The following PFAS variants were observed in gnomAD, a reference collection of about 807,000 sequenced individuals.
The protein encoded by PFAS is phosphoribosylformylglycinamidine synthase.
Under a neutral mutation model 140.6 loss-of-function variants are expected in PFAS, and 97 were observed. The observed-to-expected ratio is 0.69, with a 90% CI of 0.59 to 0.82. PFAS has a LOEUF of 0.82. Among genes scored for constraint, PFAS ranks in the 40% least tolerant of loss-of-function variants. PFAS has a pLI of 0.00. For synonymous variants in PFAS, 679 were observed against 718.8 expected, an observed-to-expected ratio of 0.94 and a Z score of 0.88; for missense variants, 1,656 against 1,780.2, an observed-to-expected ratio of 0.93 and a Z score of 1.26.
Position 8,268,539 on chromosome 17 carries a change from C to T in PFAS, c.3389C>T (p.Ala1130Val). 6.2e-7 allele frequency: 1 copy of T among 1,611,012 alleles called. No individual in the cohort carries two copies. Among genetic ancestry groups the T allele is most frequent in the East Asian group, 2.2e-5 (1 of 44,816 alleles). The part of the protein sequence containing the change: ...ADVLGSAKGW[A>V]AAVTFHPRAG... ...CTTCCCTATTCCCTGCTAGGGTGGGCAGCTGCTGTGACCTTTCATCCCAGG... is the reference window on the plus strand; with the variant it reads ...CTTCCCTATTCCCTGCTAGGGTGGGTAGCTGCTGTGACCTTTCATCCCAGG... The change falls in exon 27 of 28, where the codon GCA (alanine) becomes GTA (valine). Residue 1130 changes from alanine (A) to valine (V), a missense_variant. By Grantham distance (64) the Ala-to-Val change is moderately conservative. Around this residue, in one of 2 missense-constraint regions of PFAS, gnomAD observed 883 missense variants for 1,023.0 expected, o/e 0.86. Transcript: ENST00000314666.
Position 8,267,906 on chromosome 17 carries a change from A to G in PFAS, c.3382+241A>G, listed in dbSNP as rs1005957965. Among the ~76,000 whole-genome samples, 146 of 105,798 alleles carry G rather than the reference A, an allele frequency of 1.4e-3. 1 individual carries two copies. Among genetic ancestry groups the G allele is most frequent in the African/African-American group, 3.8e-3 (138 of 36,444 alleles). The allele number at this position is 105,798 out of a possible 152,430, so 69.4% of individuals were successfully genotyped here. On this transcript the variant is annotated intron_variant, in intron 26 of 27. Transcript: ENST00000314666. This position sits in a 1 kb window ranked among gnomAD's most constrained non-coding sequence, Gnocchi z 4.9. ...ATATATTATTAAATATATATTATTT[A>G]TATATATTATTTATATATTATTAAA...
chr17:8,264,637 T>C (rs761347568), intron 17 of PFAS, 36 bp downstream of exon 17: 2 of 1,565,134 alleles, frequency 1.3e-6, no homozygotes, highest in Non-Finnish European at 1.7e-6. Context: ...CCCTGCCTCC[T>C]TCCTCCGCTC....
At position 8,267,095 on chromosome 17, in the gene PFAS, A is replaced by G; in HGVS notation, c.3035A>G (p.Glu1012Gly). 1 of 1,613,866 alleles carries G rather than the reference A, an allele frequency of 6.2e-7. No individual in the cohort carries two copies. Among genetic ancestry groups the G allele is most frequent in the Non-Finnish European group, 8.5e-7 (1 of 1,179,964 alleles). Residue 1012 changes from glutamate to glycine, a missense_variant, in exon 24 of 28, where the codon GAG (glutamate) becomes GGG (glycine). Physicochemically the swap from Glu to Gly is moderately conservative, Grantham distance 98 (BLOSUM62 -2). Around this residue, in one of 2 missense-constraint regions of PFAS, gnomAD observed 883 missense variants for 1,023.0 expected, o/e 0.86. Coordinates refer to ENST00000314666, the MANE Select transcript of PFAS (RefSeq NM_012393.3). This position sits in a 1 kb window ranked among gnomAD's most constrained non-coding sequence, Gnocchi z 4.9. ...EPVGELRALW[E>G]ETSFQLDRLQ... The stretch of plus-strand genomic sequence containing the variant: ...GTTGGGGAGCTGCGAGCCCTCTGGG[A>G]GGAGACGAGTTTCCAGCTGGACCGG...
At position 8,267,517 on chromosome 17, in the gene PFAS, C is replaced by T. The variant is rs755583518; in HGVS notation, c.3268-34C>T. The stretch of plus-strand genomic sequence containing the variant: ...GATTGTCCAGCCTCAGCTGCGTGTC[C>T]TCCCACCCACACTCCCCCTCCCCAC... On this transcript the variant is annotated intron_variant, in intron 25 of 27. Transcript: ENST00000314666. This position sits in a 1 kb window ranked among gnomAD's most constrained non-coding sequence, Gnocchi z 4.9. 1.9e-6 allele frequency: 3 copies of T among 1,587,636 alleles called. No individual in the cohort carries two copies. Among genetic ancestry groups the T allele is most frequent in the Admixed American group, 1.7e-5 (1 of 59,962 alleles).
chr17:8,267,312 T>A lies in PFAS; in HGVS notation c.3176-60T>A. On this transcript the variant is annotated intron_variant, in intron 24 of 27. Transcript: ENST00000314666. This position sits in a 1 kb window ranked among gnomAD's most constrained non-coding sequence, Gnocchi z 4.9. ...GCCTGGGCCTGCCCTCAGAAAGGTG[T>A]CTGGGGAGTTGGGGTGGGGAAGTGA... 2 of 1,592,504 alleles carry A rather than the reference T, an allele frequency of 1.3e-6. No homozygotes were observed. Among genetic ancestry groups the A allele is most frequent in the Non-Finnish European group, 1.7e-6 (2 of 1,161,380 alleles).
At chr17:8,255,388 C>T (rs1048404319) in intron 4 of PFAS, 114 bp from the exon 5 acceptor site, 8 of 801,108 alleles carry the variant, frequency 1.0e-5, no homozygotes, top group African/African-American at 3.5e-5. Flanking sequence ...AGAAAAAGTG[C>T]CATATGGTGT....
intron 1 of PFAS, among the ~76,000 whole-genome samples, chr17:8,250,904 G>A (rs1167483544): frequency 1.3e-5 from 2 of 152,008 alleles, no homozygotes; most frequent in Non-Finnish European, 2.9e-5. Flanking sequence ...GCAGGGTGAG[G>A]TCATGAAACA....
intron 1 of PFAS, among the ~76,000 whole-genome samples, chr17:8,251,641 T>C (rs1275302481): frequency 6.7e-6 from 1 of 149,036 alleles, no homozygotes; most frequent in Non-Finnish European, 1.5e-5. Flanking sequence ...GCTGTTCTGC[T>C]GGAATTCAGG....
At chr17:8,264,136 G>T (rs1022162301) in intron 15 of PFAS, 76 bp from the exon 16 acceptor site, 1 of 1,585,274 alleles carries the variant, frequency 6.3e-7, no homozygotes, top group South Asian at 1.1e-5. Flanking sequence ...GCACATTTGT[G>T]CCCTGATTTC....
chr17:8,258,143 G>T lies in PFAS; in HGVS notation c.1280G>T (p.Ser427Ile), dbSNP rs1989449472. Reference protein sequence around the residue: ...RREWIKPIMFSGGIGSMEADH... With the variant: ...RREWIKPIMFIGGIGSMEADH... ...GAGTGGATCAAGCCCATCATGTTTA[G>T]TGGGGGCATTGGGTCCATGGAAGCT... The change falls in exon 11 of 28, where the codon AGT becomes ATT. Residue 427 changes from serine to isoleucine, a missense_variant. By Grantham distance (142) the Ser-to-Ile change is moderately radical. Coordinates refer to ENST00000314666, the MANE Select transcript of PFAS (RefSeq NM_012393.3). The T allele has an allele frequency of 6.2e-7, 1 of 1,614,150 alleles. No individual in the cohort carries two copies. Among genetic ancestry groups the T allele is most frequent in the Non-Finnish European group, 8.5e-7 (1 of 1,180,022 alleles).
chr17:8,267,001 C>G lies in PFAS; in HGVS notation c.2968-27C>G. The G allele has an allele frequency of 6.2e-7, 1 of 1,612,148 alleles. No homozygotes were observed. The highest frequency in any genetic ancestry group is 2.2e-5 in the East Asian group (1 of 44,864). On this transcript the variant is annotated intron_variant, in intron 23 of 27. Transcript: ENST00000314666. The surrounding 1 kb of genome is among the most constrained non-coding windows in gnomAD (Gnocchi z 4.9). ...GGAGGGGGCCATCCTTTCTCCTAGC[C>G]CGTGGGAGATTTGTTCCTCTTCCTA... is the stretch of plus-strand genomic sequence containing the variant.
Position 8,266,339 on chromosome 17 carries a change from TC to T in PFAS, c.2811del (p.Arg938GlyfsTer28), listed in dbSNP as rs766831796. 3.1e-6 allele frequency: 5 copies of T among 1,613,992 alleles called. No homozygotes were observed. The highest frequency in any genetic ancestry group is 3.4e-6 in the Non-Finnish European group (4 of 1,179,968). ...GNCGLQVDVP[V>X]PRVDVLSVLF... ...TGCGGGCTACAGGTGGATGTGCCTG[TC>T]CCCAGGGTTGATGGTAAGGAACCTG... On this transcript the variant is annotated frameshift_variant, in exon 22 of 28. Transcript: ENST00000314666. LOFTEE classifies it high-confidence loss of function. The surrounding 1 kb of genome is among the most constrained non-coding windows in gnomAD (Gnocchi z 5.0).
chr17:8,264,054 A>G (rs368897696), intron 15 of PFAS, 118 bp downstream of exon 15: 2 of 1,469,780 alleles, frequency 1.4e-6, no homozygotes, highest in East Asian at 2.3e-5. Flanking sequence ...GGTAGTGGCA[A>G]ACAAGCTGTG....
In PFAS at chr17:8,265,905, C is replaced by T. The variant is rs146169204; in HGVS notation, c.2589C>T (p.Leu863=). The T allele has an allele frequency of 2.1e-4, 336 of 1,612,692 alleles. 2 individuals carry two copies. The highest frequency in any genetic ancestry group is 1.3e-3 in the Middle Eastern group (8 of 6,054). The change falls in exon 21 of 28, where the codon CTC becomes CTT. Residue 863 remains leucine (L), a synonymous_variant. Coordinates refer to ENST00000314666, the MANE Select transcript of PFAS (RefSeq NM_012393.3). ...CTCTGAGCCCTGGGCAGCACCGGCT[C>T]GGGGGCACAGCTCTGGCCCAGTGCT... The part of the protein sequence containing the change: ...YVALSPGQHR[L]GGTALAQCFS...
chr17:8,267,495 T>C lies in PFAS; in HGVS notation c.3267+32T>C. On this transcript the variant is annotated intron_variant, in intron 25 of 27. Transcript: ENST00000314666. The surrounding 1 kb of genome is among the most constrained non-coding windows in gnomAD (Gnocchi z 4.9). ...AGGGTAGGGGGCAGCTGGGGGTGATTGTCCAGCCTCAGCTGCGTGTCCTCC... is the reference window on the plus strand; with the variant it reads ...AGGGTAGGGGGCAGCTGGGGGTGATCGTCCAGCCTCAGCTGCGTGTCCTCC... The C allele has an allele frequency of 6.3e-7, 1 of 1,595,776 alleles. No individual in the cohort carries two copies. Among genetic ancestry groups the C allele is most frequent in the South Asian group, 1.1e-5 (1 of 90,736 alleles).
intron 13 of PFAS, 135 bp downstream of exon 13, chr17:8,263,400 C>T: frequency 8.8e-7 from 1 of 1,130,320 alleles, no homozygotes; most frequent in South Asian, 1.4e-5. Flanking sequence ...ACATTCTAGA[C>T]AGGTTCAGGG....
intron 1 of PFAS, among the ~76,000 whole-genome samples, chr17:8,252,466 C>G (rs564324123): frequency 1.4e-4 from 20 of 146,334 alleles, no homozygotes; most frequent in Admixed American, 7.5e-4. Flanking sequence ...TGCAATGGCT[C>G]GATCTCAGCT....
upstream of PFAS, chr17:8,248,197 G>T: frequency 1.6e-6 from 1 of 634,702 alleles, no homozygotes. Flanking sequence ...TCCGCGAGGC[G>T]CCTCGGTGCA....
intron 11 of PFAS, among the ~76,000 whole-genome samples, chr17:8,259,412 A>C (rs1374242150): frequency 6.6e-6 from 1 of 152,078 alleles, no homozygotes; most frequent in Non-Finnish European, 1.5e-5. Context: ...CTGGGATTAC[A>C]GGTGTGAGCC....
Sources: allele counts gnomAD v4.1 joint callset (sites outside exome capture counted in the v4.1 genomes callset), GRCh38; gene constraint gnomAD v4.1.1; regional missense constraint gnomAD v4.1.1; non-coding constraint Gnocchi (gnomAD v3.1); transcripts MANE v1.5; gene names NCBI Gene and HGNC (gene_info 2026-07-23, HGNC 2026-07-21).